Variants in CAPN5 observed in about 807,000 individuals in gnomAD.
The protein encoded by CAPN5 is calpain-5.
In CAPN5, 54 loss-of-function variants were observed where a neutral mutation model predicts 73.0. The observed-to-expected ratio is 0.74, with a 90% CI of 0.59 to 0.93. CAPN5 has a LOEUF of 0.93. CAPN5 is among the 40% of genes least tolerant of loss of function. CAPN5 has a pLI of 0.00. For missense variants in CAPN5, 785 were observed against 882.9 expected (o/e 0.89, Z 1.41); for synonymous variants, 335 against 356.9 (o/e 0.94, Z 0.69).
chr11:77,093,356 G>A (rs1211056779), intron 2 of CAPN5, among the ~76,000 whole-genome samples: 8 of 152,222 alleles, frequency 5.3e-5, no homozygotes, highest in African/African-American at 1.9e-4. Context: ...AGGGAGGGGC[G>A]CAGCGGGTAG....
At position 77,104,872 on chromosome 11, in the gene CAPN5, C is replaced by A. The variant is rs564288794; in HGVS notation, c.298-7717C>A. Among the ~76,000 whole-genome samples, 5 of 152,308 alleles carry A rather than the reference C, an allele frequency of 3.3e-5. No homozygotes were observed. The East Asian group carries it at 9.6e-4, about 29-fold the overall frequency. The stretch of plus-strand genomic sequence containing the variant: ...GCTGCCGGGAGGGTGAGCCCCACCT[C>A]GGAGGTGTGCAGGCTGGAGCAGCAT... On this transcript the variant is annotated intron_variant, in intron 3 of 12. Transcript: ENST00000648180.
chr11:77,069,089 G>A (rs782482164), intron 1 of CAPN5, among the ~76,000 whole-genome samples: 8 of 152,184 alleles, frequency 5.3e-5, no homozygotes, highest in Non-Finnish European at 1.2e-4. Flanking sequence ...CCTACCTGCA[G>A]GGCCTAAATC....
At chr11:77,085,383 T>G (rs1053930579) in intron 2 of CAPN5, among the ~76,000 whole-genome samples, 1 of 152,228 alleles carries the variant, frequency 6.6e-6, no homozygotes, top group East Asian at 1.9e-4. Context: ...TGACCATTTT[T>G]GATAAAATGT....
chr11:77,069,319 C>T (rs1202059112), intron 1 of CAPN5, among the ~76,000 whole-genome samples: 1 of 152,168 alleles, frequency 6.6e-6, no homozygotes, highest in Non-Finnish European at 1.5e-5. Flanking sequence ...GCCATTGTTA[C>T]TAATAGCAGC....
At chr11:77,116,447 C>A in intron 7 of CAPN5, 144 bp downstream of exon 7, 2 of 682,974 alleles carry the variant, frequency 2.9e-6, no homozygotes, top group Non-Finnish European at 5.3e-6. Context: ...CAAGTCACAC[C>A]ATCTCAGAGC....
At chr11:77,115,343 G>T in intron 5 of CAPN5, 52 bp from the exon 6 acceptor site, 4 of 1,490,424 alleles carry the variant, frequency 2.7e-6, no homozygotes, top group Non-Finnish European at 3.7e-6. Flanking sequence ...TGAGTCCCTG[G>T]TCTGGGTTCC....
chr11:77,115,380 T>C lies in CAPN5; in HGVS notation c.700-15T>C, dbSNP rs1555041519. The C allele has an allele frequency of 7.5e-6, 12 of 1,589,764 alleles. No individual in the cohort carries two copies. The highest frequency in any genetic ancestry group is 4.5e-5 in the East Asian group (2 of 44,392). On this transcript the variant is annotated splice_polypyrimidine_tract_variant and intron_variant, in intron 5 of 12. Transcript: ENST00000648180. Reference sequence around the variant, plus strand: ...GTGTGGCCCTGCCTCTCTGAGCAACTGTGTCCCTCCACAGGCAGTGACAGC... The same window carrying C: ...GTGTGGCCCTGCCTCTCTGAGCAACCGTGTCCCTCCACAGGCAGTGACAGC...
Position 77,113,819 on chromosome 11 carries a change from C to T in CAPN5, c.507-423C>T, listed in dbSNP as rs11237094. Among the ~76,000 whole-genome samples the T allele has an allele frequency of 6.6e-5, 10 of 152,170 alleles. No homozygotes were observed. In the East Asian group the frequency reaches 1.4e-3, roughly 21 times the overall value. ...GTAAAATAGACAAAACATAATGCTTCTCATTTTAACCATATGGAAACATAC... is the reference window on the plus strand; with the variant it reads ...GTAAAATAGACAAAACATAATGCTTTTCATTTTAACCATATGGAAACATAC... On this transcript the variant is annotated intron_variant, in intron 4 of 12. Coordinates refer to ENST00000648180, the MANE Select transcript of CAPN5 (RefSeq NM_004055.5).
chr11:77,074,590 G>C (rs74413109), intron 1 of CAPN5, among the ~76,000 whole-genome samples: 32 of 152,308 alleles, frequency 2.1e-4, no homozygotes, highest in African/African-American at 7.2e-4. Context: ...TCCCCTAAAT[G>C]ATGAAGCCCC....
At chr11:77,122,541 C>CCCCCCA in intron 11 of CAPN5, 35 bp from the exon 12 acceptor site, 4 of 1,176,354 alleles carry the variant, frequency 3.4e-6, no homozygotes, top group Non-Finnish European at 3.7e-6. Context: ...GCCCCCACCC[C>CCCCCCA]CACCCTCACC....
chr11:77,085,027 C>T lies in CAPN5; in HGVS notation c.141C>T (p.Pro47=), dbSNP rs200603902. ...DSLYYKGTPG[P]AVRWKRPKGI... ...TCTACTATAAGGGCACGCCGGGGCCCGCCGTCAGGTGGAAGCGACCCAAGG... is the reference window on the plus strand; with the variant it reads ...TCTACTATAAGGGCACGCCGGGGCCTGCCGTCAGGTGGAAGCGACCCAAGG... The change falls in exon 2 of 13, where the codon CCC becomes CCT. Residue 47 remains proline (P), a synonymous_variant. Coordinates refer to ENST00000648180, the MANE Select transcript of CAPN5 (RefSeq NM_004055.5). 1.9e-5 allele frequency: 30 copies of T among 1,613,412 alleles called. No individual in the cohort carries two copies. The highest frequency in any genetic ancestry group is 4.5e-5 in the East Asian group (2 of 44,890).
At chr11:77,077,740 C>A (rs1011883319) in intron 1 of CAPN5, among the ~76,000 whole-genome samples, 4 of 152,122 alleles carry the variant, frequency 2.6e-5, no homozygotes, top group African/African-American at 9.7e-5. Flanking sequence ...GTCTTGAACT[C>A]CTGACCTTAG....
At chr11:77,123,565 C>T (rs1169696859) in intron 12 of CAPN5, 123 bp from the exon 13 acceptor site, 11 of 797,160 alleles carry the variant, frequency 1.4e-5, no homozygotes, top group Admixed American at 2.2e-5. Context: ...CAGCCCAGGG[C>T]CCCCGATCCT....
At chr11:77,071,586 G>A (rs976280136) in intron 1 of CAPN5, 7 of 448,050 alleles carry the variant, frequency 1.6e-5, no homozygotes, top group Non-Finnish European at 3.2e-5. Context: ...GGCCAGTAGA[G>A]CAGAAAATAC....
chr11:77,079,566 C>T (rs1280738591), intron 1 of CAPN5, among the ~76,000 whole-genome samples: 3 of 152,088 alleles, frequency 2.0e-5, no homozygotes, highest in Non-Finnish European at 4.4e-5. Context: ...TTCTCATTTT[C>T]AGCTCTAACA....
At position 77,124,415 on chromosome 11, in the gene CAPN5, C is replaced by T. The variant is rs193207620; in HGVS notation, c.*545C>T. 1 of 154,502 alleles carries T rather than the reference C, an allele frequency of 6.5e-6. No individual in the cohort carries two copies. The highest frequency in any genetic ancestry group is 2.4e-5 in the African/African-American group (1 of 41,614). The allele number at this position is 154,502 out of a possible 1,614,324, so 9.6% of individuals were successfully genotyped here. On this transcript the variant is annotated 3_prime_UTR_variant, in exon 13 of 13. Transcript: ENST00000648180. The stretch of plus-strand genomic sequence containing the variant: ...TCTCTAATCCCATCCTCTCACCCAT[C>T]CATTTCCTCACTCAGTGGAGATTTG...
At position 77,122,469 on chromosome 11, in the gene CAPN5, C is replaced by T. The variant is rs186416098; in HGVS notation, c.1604-107C>T. 6,533 of 982,240 alleles carry T rather than the reference C, an allele frequency of 6.7e-3. 33 individuals carry two copies. The highest frequency in any genetic ancestry group is 8.4e-3 in the Non-Finnish European group (5,472 of 650,658). The allele number at this position is 982,240 out of a possible 1,614,324, so 60.8% of individuals were successfully genotyped here. A position where few individuals can be genotyped will look rare whatever the true frequency, so the allele number is the denominator to read the frequency against. Reference sequence around the variant, plus strand: ...CCTGAGGTGGGTCAGGCTCCAGTCTCTCCATCTGAATAACTGAGCCGGGTG... The same window carrying T: ...CCTGAGGTGGGTCAGGCTCCAGTCTTTCCATCTGAATAACTGAGCCGGGTG... On this transcript the variant is annotated intron_variant, in intron 11 of 12. Coordinates refer to ENST00000648180, the MANE Select transcript of CAPN5 (RefSeq NM_004055.5).
chr11:77,075,792 A>G (rs117537472), intron 1 of CAPN5, among the ~76,000 whole-genome samples: 39 of 152,200 alleles, frequency 2.6e-4, no homozygotes, highest in Non-Finnish European at 5.3e-4. Context: ...ACCACCACCC[A>G]GGTCAAGAAG....
At chr11:77,067,375 A>G (rs935434093) in intron 1 of CAPN5, among the ~76,000 whole-genome samples, 14 of 142,524 alleles carry the variant, frequency 9.8e-5, no homozygotes, top group Admixed American at 8.7e-4. Context: ...TCGTTTTCCT[A>G]GTGCGGACGC....
Sources: allele counts gnomAD v4.1 joint callset (sites outside exome capture counted in the v4.1 genomes callset), GRCh38; gene constraint gnomAD v4.1.1; transcripts MANE v1.5; gene names NCBI Gene and HGNC (gene_info 2026-07-23, HGNC 2026-07-21).